MKLN1: variants seen among roughly 807,000 people sequenced by gnomAD.
MKLN1 encodes muskelin.
In MKLN1, 18 loss-of-function variants were observed where a neutral mutation model predicts 99.0. The ratio of observed to expected loss-of-function variants is 0.18; its 90% CI spans 0.13 to 0.27. The LOEUF is 0.27. Ranked by LOEUF, MKLN1 falls within the 10% of genes least tolerant of loss-of-function variation. The pLI, the probability that MKLN1 is intolerant of heterozygous loss-of-function variation, is 1.00. For synonymous variants in MKLN1, 288 were observed against 293.2 expected, an observed-to-expected ratio of 0.98 and a Z score of 0.18; for missense variants, 621 against 875.9, an observed-to-expected ratio of 0.71 and a Z score of 3.67.
intron 8 of MKLN1, among the ~76,000 whole-genome samples, chr7:131,420,162 A>G (rs1563339390): frequency 6.6e-6 from 1 of 151,960 alleles, no homozygotes; most frequent in Non-Finnish European, 1.5e-5. Context: ...CGTGTTGTGC[A>G]CATGTACCCT....
intron 1 of MKLN1, among the ~76,000 whole-genome samples, chr7:131,358,371 C>T (rs1799939808): frequency 6.6e-6 from 1 of 152,082 alleles, no homozygotes; most frequent in Non-Finnish European, 1.5e-5. Context: ...TGAAATAGCC[C>T]TGTAATAAGT....
At chr7:131,386,228 G>A (rs903214023) in intron 2 of MKLN1, among the ~76,000 whole-genome samples, 7 of 152,018 alleles carry the variant, frequency 4.6e-5, no homozygotes, top group African/African-American at 1.7e-4. Context: ...TGGCCAGGCC[G>A]GTCTCAAACC....
intron 3 of MKLN1, among the ~76,000 whole-genome samples, chr7:131,211,069 CTGT>C (rs1190636213): frequency 3.3e-5 from 5 of 151,966 alleles, no homozygotes; most frequent in Non-Finnish European, 7.4e-5. Context: ...TCATGTACTG[CTGT>C]ATTTCCTCTC....
chr7:131,382,792 T>A (rs1172341039), intron 2 of MKLN1, among the ~76,000 whole-genome samples: 5 of 152,050 alleles, frequency 3.3e-5, no homozygotes, highest in Non-Finnish European at 5.9e-5. Flanking sequence ...GGTGCGATCT[T>A]GGCTCACTGC....
chr7:131,377,166 A>G (rs565028120), intron 2 of MKLN1, among the ~76,000 whole-genome samples: 8 of 152,186 alleles, frequency 5.3e-5, no homozygotes, highest in African/African-American at 1.9e-4. Flanking sequence ...CACATGTGTA[A>G]GAGTTTCTTT....
Position 131,125,080 on chromosome 7 carries a change from ACTC to A in MKLN1, c.-419+14876_-419+14878del, listed in dbSNP as rs375330517. 5.9e-5 allele frequency among the ~76,000 whole-genome samples: 9 copies of A among 152,160 alleles called. No homozygotes were observed. In the South Asian group the frequency reaches 1.7e-3, roughly 28 times the overall value. ...CTCCACTGGCTGTATGCAGTCAACT[ACTC>A]CTAGCATGCCTTGTGATCCTGTTAT... is the stretch of plus-strand genomic sequence containing the variant. On this transcript the variant is annotated intron_variant, in intron 1 of 7. Coordinates refer to the MKLN1 transcript ENST00000416992.
intron 2 of MKLN1, among the ~76,000 whole-genome samples, chr7:131,145,197 C>G (rs1001911030): frequency 6.6e-6 from 1 of 152,124 alleles, no homozygotes; most frequent in Non-Finnish European, 1.5e-5. Context: ...TCTCTCCCCA[C>G]CCCCAATCCT....
At position 131,487,782 on chromosome 7, in the gene MKLN1, T is replaced by C; in HGVS notation, c.*54T>C. 1 of 1,590,374 alleles carries C rather than the reference T, an allele frequency of 6.3e-7. No individual in the cohort carries two copies. Among genetic ancestry groups the C allele is most frequent in the Middle Eastern group, 1.7e-4 (1 of 5,968 alleles). ...AAACAGGAGTCGATTTTCCGTCTTT[T>C]GGATTGCAGCTCCACTGACTGACAG... is the stretch of plus-strand genomic sequence containing the variant. On this transcript the variant is annotated 3_prime_UTR_variant, in exon 18 of 18. Coordinates refer to ENST00000352689, the MANE Select transcript of MKLN1 (RefSeq NM_013255.5). This position sits in a 1 kb window ranked among gnomAD's most constrained non-coding sequence, Gnocchi z 4.7.
chr7:131,179,839 G>T (rs918882098), intron 2 of MKLN1, among the ~76,000 whole-genome samples: 1 of 152,002 alleles, frequency 6.6e-6, no homozygotes. Flanking sequence ...CTCCCAAAAT[G>T]CTGGCATTAC....
chr7:131,197,136 C>A (rs756202051), intron 2 of MKLN1, among the ~76,000 whole-genome samples: 13 of 152,296 alleles, frequency 8.5e-5, no homozygotes, highest in Non-Finnish European at 1.6e-4. Flanking sequence ...GACTCCTGTT[C>A]TTCCAAAATA....
intron 6 of MKLN1, among the ~76,000 whole-genome samples, chr7:131,406,726 G>A (rs1488921179): frequency 6.6e-6 from 1 of 151,944 alleles, no homozygotes; most frequent in East Asian, 1.9e-4. Context: ...TCCTTTATAG[G>A]AGGGTATTTT....
intron 1 of MKLN1, among the ~76,000 whole-genome samples, chr7:131,358,504 T>C (rs1401345148): frequency 6.6e-6 from 1 of 152,188 alleles, no homozygotes; most frequent in Non-Finnish European, 1.5e-5. Flanking sequence ...TTTAGTGATG[T>C]CTTTATCTGG....
chr7:131,147,932 G>A (rs1332148016), intron 2 of MKLN1, among the ~76,000 whole-genome samples: 1 of 152,192 alleles, frequency 6.6e-6, no homozygotes, highest in Non-Finnish European at 1.5e-5. Context: ...TGTGGTGGGA[G>A]GGCTATGGTG....
At chr7:131,397,973 ATTAAG>A (rs1249533798) in intron 5 of MKLN1, among the ~76,000 whole-genome samples, 1 of 152,180 alleles carries the variant, frequency 6.6e-6, no homozygotes, top group Admixed American at 6.5e-5. Flanking sequence ...ACTAATTATA[ATTAAG>A]TTGTTAATTA....
intron 11 of MKLN1, among the ~76,000 whole-genome samples, chr7:131,445,056 T>A (rs1318722139): frequency 6.6e-6 from 1 of 152,172 alleles, no homozygotes; most frequent in Non-Finnish European, 1.5e-5. Context: ...CACTGAGTGC[T>A]GTTTAACGTT....
intron 3 of MKLN1, among the ~76,000 whole-genome samples, chr7:131,246,439 G>T (rs1009966547): frequency 6.6e-6 from 1 of 152,188 alleles, no homozygotes; most frequent in South Asian, 2.1e-4. Flanking sequence ...TTAGAAGAGA[G>T]CTCTAAACCC....
chr7:131,164,269 G>A (rs1376930004), intron 2 of MKLN1, among the ~76,000 whole-genome samples: 1 of 152,036 alleles, frequency 6.6e-6, no homozygotes, highest in African/African-American at 2.4e-5. Context: ...ACACCACCAT[G>A]CCTAGCTAAT....
At chr7:131,233,075 C>G (rs1797266427) in intron 3 of MKLN1, among the ~76,000 whole-genome samples, 1 of 152,052 alleles carries the variant, frequency 6.6e-6, no homozygotes, top group Non-Finnish European at 1.5e-5. Flanking sequence ...CATGGTGGCT[C>G]TTGCCTGTAA....
chr7:131,486,183 A>C (rs1797269765), intron 17 of MKLN1, among the ~76,000 whole-genome samples: 1 of 151,960 alleles, frequency 6.6e-6, no homozygotes, highest in East Asian at 1.9e-4. Context: ...TGTTCATTGC[A>C]CAATTCTTGA....
Sources: allele counts gnomAD v4.1 joint callset (sites outside exome capture counted in the v4.1 genomes callset), GRCh38; gene constraint gnomAD v4.1.1; non-coding constraint Gnocchi (gnomAD v3.1); transcripts MANE v1.5; gene names NCBI Gene and HGNC (gene_info 2026-07-23, HGNC 2026-07-21).